The following HIRA variants were observed in gnomAD, a reference collection of about 807,000 sequenced individuals.
The protein encoded by HIRA is protein HIRA.
HIRA carries 13 observed loss-of-function variants against 126.6 expected under a neutral mutation model. That is an observed-to-expected ratio of 0.10 (90% CI 0.07 to 0.16). HIRA has a LOEUF of 0.16. Among genes scored for constraint, HIRA ranks in the 10% least tolerant of loss-of-function variants. The pLI, the probability that HIRA is intolerant of heterozygous loss-of-function variation, is 1.00. For synonymous variants in HIRA, 511 were observed against 520.0 expected, an observed-to-expected ratio of 0.98 and a Z score of 0.24; for missense variants, 834 against 1,314.4, an observed-to-expected ratio of 0.63 and a Z score of 5.65.
chr22:19,379,422 C>T (rs529310013), intron 13 of HIRA, among the ~76,000 whole-genome samples: 7 of 150,606 alleles, frequency 4.6e-5, no homozygotes, highest in South Asian at 4.2e-4. Context: ...GTCAAGAGTT[C>T]GAGACCAGCC....
chr22:19,413,029 G>T (rs2089366263), intron 1 of HIRA, among the ~76,000 whole-genome samples: 7 of 152,170 alleles, frequency 4.6e-5, no homozygotes, highest in Admixed American at 1.3e-4. Context: ...AAGATCGGGT[G>T]AAGGAGAGGG....
chr22:19,422,171 T>C (rs11705042), intron 1 of HIRA, among the ~76,000 whole-genome samples: 28,760 of 142,818 alleles, frequency 0.2, 2,979 homozygotes, highest in Middle Eastern at 0.28. Context: ...TGTTTATATA[T>C]ACACACACAC....
At chr22:19,425,650 G>A (rs1016662067) in intron 1 of HIRA, among the ~76,000 whole-genome samples, 1 of 152,128 alleles carries the variant, frequency 6.6e-6, no homozygotes, top group Non-Finnish European at 1.5e-5. Context: ...CCATTTCCTG[G>A]CCTTCATCCA....
Position 19,353,222 on chromosome 22 carries a change from GAC to G in HIRA, c.2848+132_2848+133del, listed in dbSNP as rs1348343013. 26 of 1,071,450 alleles carry G rather than the reference GAC, an allele frequency of 2.4e-5. No homozygotes were observed. The African/African-American group carries it at 3.6e-4, about 15-fold the overall frequency. The allele number at this position is 1,071,450 out of a possible 1,614,324, so 66.4% of individuals were successfully genotyped here. On this transcript the variant is annotated intron_variant, in intron 23 of 24. Transcript: ENST00000263208. ...GGCTGGGTGCCTGCTGAGCTGCCTT[GAC>G]TGCAGCTCAGGCTGGGAGGTAGAGG...
At position 19,385,756 on chromosome 22, in the gene HIRA, C is replaced by G; in HGVS notation, c.1114-20G>C. ...GCGGCTCTGGGGAAGCAAGGAGAGG[C>G]ATGACATGCCAGCATGAGTGCCAGT... On this transcript the variant is annotated intron_variant, in intron 11 of 24. Coordinates refer to ENST00000263208, the MANE Select transcript of HIRA (RefSeq NM_003325.4). The G allele has an allele frequency of 6.2e-7, 1 of 1,604,494 alleles. No homozygotes were observed. Among genetic ancestry groups the G allele is most frequent in the Non-Finnish European group, 8.5e-7 (1 of 1,174,924 alleles).
chr22:19,414,392 G>C (rs1216746766), intron 1 of HIRA, among the ~76,000 whole-genome samples: 1 of 152,238 alleles, frequency 6.6e-6, no homozygotes, highest in Non-Finnish European at 1.5e-5. Flanking sequence ...TGAGCACAGA[G>C]AGGTGGCCAG....
chr22:19,384,723 C>T (rs925981257), intron 12 of HIRA, among the ~76,000 whole-genome samples: 4 of 151,684 alleles, frequency 2.6e-5, no homozygotes, highest in African/African-American at 9.7e-5. Context: ...GGCGCAGTCT[C>T]GGCACACTGC....
At chr22:19,427,478 G>A (rs990913280) in intron 1 of HIRA, among the ~76,000 whole-genome samples, 3 of 152,210 alleles carry the variant, frequency 2.0e-5, no homozygotes, top group African/African-American at 7.2e-5. Context: ...TCATGCTGAT[G>A]TCTCAGTAGG....
chr22:19,426,608 C>T (rs967893673), intron 1 of HIRA, among the ~76,000 whole-genome samples: 2 of 152,190 alleles, frequency 1.3e-5, no homozygotes, highest in African/African-American at 4.8e-5. Flanking sequence ...GTTTGTATGT[C>T]AATCTCTCTC....
At chr22:19,391,699 C>T (rs577039344) in intron 9 of HIRA, among the ~76,000 whole-genome samples, 77 of 152,190 alleles carry the variant, frequency 5.1e-4, no homozygotes, top group African/African-American at 1.8e-3. Flanking sequence ...CCAGGATGGT[C>T]TCGAACTCCT....
At chr22:19,394,681 G>C (rs1211645284) in intron 7 of HIRA, among the ~76,000 whole-genome samples, 172 bp from the exon 8 acceptor site, 1 of 152,150 alleles carries the variant, frequency 6.6e-6, no homozygotes. Context: ...CAACCAAAAA[G>C]GGCTCTGTGA....
chr22:19,405,582 T>C, intron 5 of HIRA: 1 of 857,982 alleles, frequency 1.2e-6, no homozygotes, highest in Non-Finnish European at 1.4e-6. Context: ...GTGGGGAGAC[T>C]GAATGCAGCT....
At chr22:19,408,633 T>C (rs770132282) in intron 2 of HIRA, 40 bp from the exon 3 acceptor site, 3 of 1,140,250 alleles carry the variant, frequency 2.6e-6, no homozygotes, top group Non-Finnish European at 4.0e-6. Flanking sequence ...GTGCAAGGAG[T>C]AGAAATTTGA....
chr22:19,355,546 T>C (rs2146191789), intron 21 of HIRA, among the ~76,000 whole-genome samples: 1 of 152,310 alleles, frequency 6.6e-6, no homozygotes. Context: ...AGGACAGTGC[T>C]CCTGCACACA....
chr22:19,394,269 A>G, intron 8 of HIRA, 73 bp downstream of exon 8: 1 of 1,527,546 alleles, frequency 6.5e-7, no homozygotes. Flanking sequence ...AAGTATAACT[A>G]TTCAAAATAA....
At chr22:19,383,090 C>T (rs551603607) in intron 13 of HIRA, among the ~76,000 whole-genome samples, 9 of 152,088 alleles carry the variant, frequency 5.9e-5, no homozygotes, top group Middle Eastern at 6.8e-3. Context: ...AGATAGCAAA[C>T]ACCTCAGAGG....
Position 19,380,743 on chromosome 22 carries a change from A to G in HIRA, c.1416-2677T>C, listed in dbSNP as rs2089065385. Among the ~76,000 whole-genome samples, 4 of 152,190 alleles carry G rather than the reference A, an allele frequency of 2.6e-5. No homozygotes were observed. In the South Asian group the frequency reaches 8.3e-4, roughly 32 times the overall value. Reference sequence around the variant, plus strand: ...CTCAGCCTCCAAGTATCTGGGATACAGGTAGTAGCTACAGTAGCTACAGGT... The same window carrying G: ...CTCAGCCTCCAAGTATCTGGGATACGGGTAGTAGCTACAGTAGCTACAGGT... On this transcript the variant is annotated intron_variant, in intron 13 of 24. Coordinates refer to ENST00000263208, the MANE Select transcript of HIRA (RefSeq NM_003325.4).
chr22:19,422,037 T>C (rs566023365), intron 1 of HIRA, among the ~76,000 whole-genome samples: 55 of 151,984 alleles, frequency 3.6e-4, no homozygotes, highest in African/African-American at 1.3e-3. Context: ...ACCCAAACTT[T>C]CAGGAGAGAT....
chr22:19,423,496 C>CACACACAG (rs1249649672), intron 1 of HIRA, among the ~76,000 whole-genome samples: 1 of 112,128 alleles, frequency 8.9e-6, no homozygotes, highest in African/African-American at 3.5e-5. Context: ...CACACACACA[C>CACACACAG]ACACACACAC....
Sources: allele counts gnomAD v4.1 joint callset (sites outside exome capture counted in the v4.1 genomes callset), GRCh38; gene constraint gnomAD v4.1.1; transcripts MANE v1.5; gene names NCBI Gene and HGNC (gene_info 2026-07-23, HGNC 2026-07-21).